GRM5: variants seen among roughly 807,000 people sequenced by gnomAD.
GRM5 encodes metabotropic glutamate receptor 5.
In GRM5, 19 loss-of-function variants were observed where a neutral mutation model predicts 83.1. That is an observed-to-expected ratio of 0.23 (90% CI 0.16 to 0.34). The LOEUF (loss-of-function observed/expected upper bound fraction) is 0.34, where lower values mean the gene tolerates loss of function less well. Ranked by LOEUF, GRM5 falls within the 10% of genes least tolerant of loss-of-function variation. The pLI, the probability that GRM5 is intolerant of heterozygous loss-of-function variation, is 1.00. For synonymous variants in GRM5, 675 were observed against 633.6 expected, an observed-to-expected ratio of 1.07 and a Z score of -0.98; for missense variants, 1,160 against 1,588.3, an observed-to-expected ratio of 0.73 and a Z score of 4.58.
intron 8 of GRM5, among the ~76,000 whole-genome samples, chr11:88,543,255 T>G (rs931503723): frequency 2.0e-5 from 3 of 152,194 alleles, no homozygotes; most frequent in Admixed American, 2.0e-4. Flanking sequence ...AGACATGATA[T>G]TCTTTATCTG....
chr11:88,672,110 T>C (rs1437603482), intron 3 of GRM5, among the ~76,000 whole-genome samples: 1 of 152,062 alleles, frequency 6.6e-6, no homozygotes, highest in Non-Finnish European at 1.5e-5. Flanking sequence ...TAAGACTGTC[T>C]TGGAGTCCTT....
rs540536362 is a variant in GRM5 at position 88,976,398 on chromosome 11, T to C, written c.661+70814A>G. Among the ~76,000 whole-genome samples the C allele has an allele frequency of 2.6e-5, 4 of 152,276 alleles. No individual in the cohort carries two copies. The East Asian group carries it at 7.7e-4, about 29-fold the overall frequency. On this transcript the variant is annotated intron_variant, in intron 2 of 9. Coordinates refer to ENST00000305447, the MANE Select transcript of GRM5 (RefSeq NM_001143831.3). ...TTCCTCTCCTTTCTTCAATGTCACT[T>C]TTTTTATTTCTCAAATAGAACTATG...
intron 2 of GRM5, among the ~76,000 whole-genome samples, chr11:88,861,866 G>A (rs1429241115): frequency 6.6e-6 from 1 of 152,020 alleles, no homozygotes; most frequent in African/African-American, 2.4e-5. Flanking sequence ...ATGTTTTATT[G>A]TAATTACATA....
chr11:88,607,010 C>A (rs1025750667), intron 4 of GRM5, among the ~76,000 whole-genome samples: 1 of 149,964 alleles, frequency 6.7e-6, no homozygotes, highest in Non-Finnish European at 1.5e-5. Flanking sequence ...TGTTTTATGG[C>A]TTCCCAAATT....
At chr11:88,950,487 AT>A (rs1938423900) in intron 2 of GRM5, among the ~76,000 whole-genome samples, 1 of 151,942 alleles carries the variant, frequency 6.6e-6, no homozygotes, top group Admixed American at 6.6e-5. Context: ...ACCTTCTTAA[AT>A]TTTTGCACTA....
intron 3 of GRM5, among the ~76,000 whole-genome samples, chr11:88,817,670 TATA>T (rs770838746): frequency 3.8e-4 from 58 of 152,242 alleles, no homozygotes; most frequent in Admixed American, 6.5e-4. Context: ...TTGAGGGAAA[TATA>T]ATAACACTGA....
chr11:88,580,153 A>T (rs1943192292), intron 7 of GRM5, among the ~76,000 whole-genome samples: 1 of 152,230 alleles, frequency 6.6e-6, no homozygotes, highest in South Asian at 2.1e-4. Flanking sequence ...GGAGATTAAG[A>T]AGGTAAAGAC....
intron 3 of GRM5, among the ~76,000 whole-genome samples, chr11:88,733,721 C>T (rs1412499197): frequency 1.3e-5 from 2 of 151,934 alleles, no homozygotes; most frequent in Admixed American, 1.3e-4. Flanking sequence ...TTCTCTGCTT[C>T]TTTATGTTAT....
At chr11:88,637,779 A>G (rs1226543407) in intron 4 of GRM5, among the ~76,000 whole-genome samples, 1 of 148,984 alleles carries the variant, frequency 6.7e-6, no homozygotes, top group Non-Finnish European at 1.5e-5. Context: ...TAGAAATACC[A>G]TTTGACCCAG....
chr11:88,612,582 C>T (rs1036617346), intron 4 of GRM5, among the ~76,000 whole-genome samples: 1 of 152,118 alleles, frequency 6.6e-6, no homozygotes, highest in African/African-American at 2.4e-5. Context: ...ACACTCCCAC[C>T]AACAGTGTAA....
intron 2 of GRM5, among the ~76,000 whole-genome samples, chr11:88,871,046 G>A (rs1305937446): frequency 6.6e-6 from 1 of 151,408 alleles, no homozygotes; most frequent in African/African-American, 2.4e-5. Flanking sequence ...CCATGAATAC[G>A]TACAATTATT....
chr11:88,855,192 C>T lies in GRM5; in HGVS notation c.662-5037G>A, dbSNP rs192659502. Among the ~76,000 whole-genome samples the T allele has an allele frequency of 2.6e-5, 4 of 151,776 alleles. No individual in the cohort carries two copies. In the East Asian group the frequency reaches 5.8e-4, roughly 22 times the overall value. ...TTTTTTTCATAGTATCTTTACTTCT[C>T]TTTCCATAAATCAGACCCTGATTCA... On this transcript the variant is annotated intron_variant, in intron 2 of 9. Transcript: ENST00000305447.
intron 1 of GRM5, among the ~76,000 whole-genome samples, chr11:89,064,872 CTCTCTCTCTCTCTCTCTGTGTG>C (rs1323127269): frequency 2.3e-5 from 1 of 43,396 alleles, no homozygotes; most frequent in African/African-American, 8.1e-5. Context: ...CTCTCTCTCT[CTCTCTCTCTCTCTCTCTGTGTG>C]TGTGTGTGTG....
intron 3 of GRM5, among the ~76,000 whole-genome samples, chr11:88,685,173 G>C (rs1940589000): frequency 6.6e-6 from 1 of 152,194 alleles, no homozygotes; most frequent in Non-Finnish European, 1.5e-5. Context: ...ATAAGGTCCA[G>C]GCTGAGGGGT....
chr11:88,655,399 A>G (rs552856622), intron 3 of GRM5, among the ~76,000 whole-genome samples: 1 of 152,186 alleles, frequency 6.6e-6, no homozygotes, highest in African/African-American at 2.4e-5. Flanking sequence ...CTGTTTGTTC[A>G]AGCAGAGACC....
intron 8 of GRM5, among the ~76,000 whole-genome samples, chr11:88,543,614 C>T (rs1280115269): frequency 6.7e-6 from 1 of 148,908 alleles, no homozygotes; most frequent in Non-Finnish European, 1.5e-5. Context: ...ACAACCAGGA[C>T]CCATACCATC....
At chr11:88,566,220 C>CT (rs1442086606) in intron 8 of GRM5, among the ~76,000 whole-genome samples, 1 of 152,136 alleles carries the variant, frequency 6.6e-6, no homozygotes, top group African/African-American at 2.4e-5. Flanking sequence ...TTGGTGTTGC[C>CT]TTTTTCATAC....
At chr11:88,716,895 A>AT (rs1222831928) in intron 3 of GRM5, among the ~76,000 whole-genome samples, 4 of 151,838 alleles carry the variant, frequency 2.6e-5, no homozygotes, top group East Asian at 1.9e-4. Flanking sequence ...AAATTCACTC[A>AT]TTTTTTCTAA....
chr11:88,517,463 G>T (rs942688456), intron 9 of GRM5, among the ~76,000 whole-genome samples: 5 of 152,112 alleles, frequency 3.3e-5, no homozygotes, highest in African/African-American at 4.8e-5. Context: ...AATAACATTT[G>T]TGTTGAAGAA....
Sources: gnomAD v4.1 joint callset for allele counts (sites outside exome capture counted in the v4.1 genomes callset) on GRCh38, gnomAD v4.1.1 for gene constraint, MANE v1.5 for transcripts, NCBI Gene and HGNC (gene_info 2026-07-23, HGNC 2026-07-21) for gene names.